Variants in SECISBP2 observed in about 807,000 individuals in gnomAD.
SECISBP2 encodes the protein SECIS binding protein 2.
SECISBP2 carries 96 observed loss-of-function variants against 98.2 expected under a neutral mutation model. That is an observed-to-expected ratio of 0.98 (90% CI 0.83 to 1.16). SECISBP2 has a LOEUF of 1.16. Ranked by LOEUF, SECISBP2 falls within the 50% of genes most tolerant of loss-of-function variation. The pLI, the probability that SECISBP2 is intolerant of heterozygous loss-of-function variation, is 0.00. For missense variants in SECISBP2, 1,046 were observed against 1,022.9 expected, an observed-to-expected ratio of 1.02 and a Z score of -0.31; for synonymous variants, 407 against 370.2, an observed-to-expected ratio of 1.10 and a Z score of -1.14.
Position 89,328,650 on chromosome 9 carries a change from G to T in SECISBP2, c.575-10G>T. ...AATTTTTACTCTTACTTTTAATTTT[G>T]TAATTACAGATGGTTACCATAAGCG... On this transcript the variant is annotated splice_polypyrimidine_tract_variant and intron_variant, in intron 4 of 16. Transcript: ENST00000375807. 2 of 1,609,714 alleles carry T rather than the reference G, an allele frequency of 1.2e-6. No individual in the cohort carries two copies. The highest frequency in any genetic ancestry group is 1.3e-5 in the African/African-American group (1 of 74,728).
At position 89,325,566 on chromosome 9, in the gene SECISBP2, G is replaced by C; in HGVS notation, c.322G>C (p.Gly108Arg). The change falls in exon 3 of 17, where the codon GGC (glycine) becomes CGC (arginine). Residue 108 changes from glycine (G) to arginine (R), a missense_variant. Gly to Arg is a moderately radical substitution (Grantham distance 125, BLOSUM62 -2). Coordinates refer to ENST00000375807, the MANE Select transcript of SECISBP2 (RefSeq NM_024077.5). ...DSTQNVYSVPGSQYLYNQPSC... is the reference protein window; with the variant it reads ...DSTQNVYSVPRSQYLYNQPSC... ...CACACAGAATGTTTACTCAGTGCCT[G>C]GCTCCCAGTATCTTTATAACCAACC... 1 of 1,614,096 alleles carries C rather than the reference G, an allele frequency of 6.2e-7. No homozygotes were observed. Among genetic ancestry groups the C allele is most frequent in the Non-Finnish European group, 8.5e-7 (1 of 1,180,006 alleles).
rs1231342922 is a variant in SECISBP2 at position 89,338,572 on chromosome 9, A to G, written c.1204A>G (p.Arg402Gly). Residue 402 changes from arginine (R) to glycine (G), a missense_variant, in exon 8 of 17, where the codon AGG (arginine) becomes GGG (glycine). Transcript: ENST00000375807. ...AGTCCTGACAGTTCAAGAGCCTCCA[A>G]GGATTGAAGTACATTTATATTTTTT... Reference protein sequence around the residue: ...YEVLTVQEPPRIEDAEEFPNL... With the variant: ...YEVLTVQEPPGIEDAEEFPNL... 5.0e-6 allele frequency: 8 copies of G among 1,612,124 alleles called. No homozygotes were observed. Among genetic ancestry groups the G allele is most frequent in the African/African-American group, 1.3e-5 (1 of 74,928 alleles).
chr9:89,350,901 C>T (rs753161820), intron 14 of SECISBP2, 49 bp downstream of exon 14: 6 of 1,470,946 alleles, frequency 4.1e-6, no homozygotes, highest in South Asian at 2.3e-5. Flanking sequence ...GCATGAGTGC[C>T]TAGTGTGCCC....
In SECISBP2 at chr9:89,349,761, T is replaced by G; in HGVS notation, c.1739-15T>G. Reference sequence around the variant, plus strand: ...GCCTCACAGATATCTGATGATGCCTTTTTCCTCCATGAAGGGCCAGAGGGG... The same window carrying G: ...GCCTCACAGATATCTGATGATGCCTGTTTCCTCCATGAAGGGCCAGAGGGG... On this transcript the variant is annotated splice_polypyrimidine_tract_variant and intron_variant, in intron 12 of 16. Transcript: ENST00000375807. 1 of 1,613,930 alleles carries G rather than the reference T, an allele frequency of 6.2e-7. No individual in the cohort carries two copies. The highest frequency in any genetic ancestry group is 8.5e-7 in the Non-Finnish European group (1 of 1,180,032).
At chr9:89,364,375 G>A (rs558919022), downstream of SECISBP2, 18 of 277,876 alleles carry the variant, frequency 6.5e-5, 1 homozygote, top group South Asian at 6.2e-4. Context: ...CCACAGCATG[G>A]AGAGGCCCAG....
chr9:89,341,260 C>T, intron 9 of SECISBP2, 87 bp from the exon 10 acceptor site: 3 of 1,304,620 alleles, frequency 2.3e-6, no homozygotes, highest in Non-Finnish European at 1.1e-6. Context: ...CAATCTTTTT[C>T]ATTTTATCTT....
chr9:89,332,803 G>A (rs2131694321), intron 5 of SECISBP2, 105 bp from the exon 6 acceptor site: 2 of 903,378 alleles, frequency 2.2e-6, no homozygotes, highest in Non-Finnish European at 3.6e-6. Context: ...ACCAGCAATG[G>A]ATAAGGATTT....
At chr9:89,345,044 A>G (rs1830226221) in intron 10 of SECISBP2, among the ~76,000 whole-genome samples, 2 of 152,218 alleles carry the variant, frequency 1.3e-5, no homozygotes. Flanking sequence ...CACAAGCAAT[A>G]CTAGCAACAA....
chr9:89,357,624 G>A (rs1832292044), intron 15 of SECISBP2, 59 bp downstream of exon 15: 2 of 1,601,978 alleles, frequency 1.2e-6, no homozygotes, highest in Non-Finnish European at 8.5e-7. Flanking sequence ...GTGGGGGCAG[G>A]TGGTCAGTGT....
At chr9:89,357,243 G>T in intron 14 of SECISBP2, 168 bp from the exon 15 acceptor site, 1 of 716,492 alleles carries the variant, frequency 1.4e-6, no homozygotes, top group Non-Finnish European at 2.5e-6. Context: ...CCATATTTTT[G>T]GAGAGTTGAT....
At chr9:89,363,064 C>T (rs1168055222), downstream of SECISBP2, among the ~76,000 whole-genome samples, 1 of 152,332 alleles carries the variant, frequency 6.6e-6, no homozygotes, top group East Asian at 1.9e-4. Flanking sequence ...GGAGGGTTCC[C>T]CATCTGTCCA....
At chr9:89,324,552 T>A (rs772465761) in intron 2 of SECISBP2, 1 of 152,254 alleles carries the variant, frequency 6.6e-6, no homozygotes, top group Non-Finnish European at 1.5e-5. Flanking sequence ...GAAATATGAT[T>A]TCTAGTAAGC....
At position 89,334,584 on chromosome 9, in the gene SECISBP2, G is replaced by T; in HGVS notation, c.943G>T (p.Ala315Ser). 6.2e-7 allele frequency: 1 copy of T among 1,614,186 alleles called. No individual in the cohort carries two copies. Among genetic ancestry groups the T allele is most frequent in the Non-Finnish European group, 8.5e-7 (1 of 1,180,032 alleles). ...GACATTATCTACAGAACTGTCAGCA[G>T]CCCCTAAAAATGTTACTTCTATGAT... The part of the protein sequence containing the change: ...RQTLSTELSA[A>S]PKNVTSMINL... Residue 315 changes from alanine (A) to serine (S), a missense_variant, in exon 7 of 17, where the codon GCC becomes TCC. Coordinates refer to ENST00000375807, the MANE Select transcript of SECISBP2 (RefSeq NM_024077.5).
In SECISBP2 at chr9:89,358,033, C is replaced by T. The variant is rs768165380; in HGVS notation, c.2303C>T (p.Ala768Val). ...QFHKMVELTV[A>V]ARQAYKTMLE... ...CACAAGATGGTTGAGCTGACAGTGG[C>T]GGCCCGACAGGCGTACAAGACCATG... The change falls in exon 16 of 17, where the codon GCG becomes GTG. Residue 768 changes from alanine (A) to valine (V), a missense_variant. Transcript: ENST00000375807. 1.2e-5 allele frequency: 19 copies of T among 1,613,296 alleles called. No individual in the cohort carries two copies. Among genetic ancestry groups the T allele is most frequent in the East Asian group, 2.2e-5 (1 of 44,898 alleles).
downstream of SECISBP2, chr9:89,363,483 T>G (rs1588051782): frequency 6.2e-7 from 1 of 1,614,072 alleles, no homozygotes; most frequent in Non-Finnish European, 8.5e-7. Context: ...GCCACAGCCC[T>G]CCAGGCAGAG....
intron 13 of SECISBP2, among the ~76,000 whole-genome samples, chr9:89,350,135 A>G (rs909656489): frequency 3.3e-5 from 5 of 152,196 alleles, no homozygotes; most frequent in African/African-American, 1.2e-4. Context: ...AGGTTCTTGT[A>G]TTAATGATGG....
At chr9:89,346,317 G>A (rs1004634350) in intron 10 of SECISBP2, among the ~76,000 whole-genome samples, 3 of 152,176 alleles carry the variant, frequency 2.0e-5, no homozygotes, top group Admixed American at 1.3e-4. Context: ...CTATGTAGAG[G>A]AATTACCAAC....
intron 2 of SECISBP2, chr9:89,325,078 C>G (rs574101669): frequency 9.0e-6 from 3 of 331,580 alleles, no homozygotes; most frequent in Admixed American, 9.5e-5. Context: ...TGGGTCTCCC[C>G]GCAGCAGAGA....
chr9:89,358,776 A>C lies in SECISBP2; in HGVS notation c.2517A>C (p.Glu839Asp), dbSNP rs757755363. The C allele has an allele frequency of 1.2e-6, 2 of 1,614,080 alleles. No individual in the cohort carries two copies. The highest frequency in any genetic ancestry group is 3.3e-5 in the Admixed American group (2 of 60,034). ...EAYSGCTLEL[E>D]ESLEASTSQM... The stretch of plus-strand genomic sequence containing the variant: ...ACAGTGGATGTACCCTGGAGCTAGA[A>C]GAATCCTTGGAGGCTTCAACCTCTC... Residue 839 changes from glutamate to aspartate, a missense_variant, in exon 17 of 17, where the codon GAA becomes GAC. Glu to Asp is a conservative substitution (Grantham distance 45, BLOSUM62 2). Transcript: ENST00000375807.
Sources: allele counts gnomAD v4.1 joint callset (sites outside exome capture counted in the v4.1 genomes callset), GRCh38; gene constraint gnomAD v4.1.1; transcripts MANE v1.5; gene names NCBI Gene and HGNC (gene_info 2026-07-23, HGNC 2026-07-21).